Variants in CACNB4 observed in about 807,000 individuals in gnomAD.
CACNB4 encodes the protein voltage-dependent L-type calcium channel subunit beta-4.
In CACNB4, 32 loss-of-function variants were observed where a neutral mutation model predicts 71.2. The observed-to-expected ratio is 0.45, with a 90% CI of 0.34 to 0.60. The LOEUF is 0.60. CACNB4 is among the 20% of genes least tolerant of loss of function. The pLI is 0.01. For synonymous variants in CACNB4, 231 were observed against 236.9 expected, an observed-to-expected ratio of 0.97 and a Z score of 0.23; for missense variants, 464 against 647.9, an observed-to-expected ratio of 0.72 and a Z score of 3.08.
At chr2:151,913,095 C>T (rs970194837) in intron 2 of CACNB4, among the ~76,000 whole-genome samples, 1 of 152,240 alleles carries the variant, frequency 6.6e-6, no homozygotes, top group East Asian at 1.9e-4. Context: ...GAATACAGCA[C>T]ACCAATGGGT....
intron 2 of CACNB4, among the ~76,000 whole-genome samples, chr2:151,976,787 A>T (rs887987306): frequency 5.3e-5 from 8 of 152,202 alleles, no homozygotes; most frequent in Admixed American, 2.6e-4. Context: ...CTCTAAACTG[A>T]GACCAGGCTG....
intron 4 of CACNB4, 90 bp from the exon 5 acceptor site, chr2:151,876,646 T>C: frequency 3.8e-6 from 3 of 781,018 alleles, no homozygotes; most frequent in Non-Finnish European, 6.0e-6. Context: ...AATAAAATGC[T>C]ATTTATATGA....
In CACNB4 at chr2:151,997,325, G is replaced by A. The variant is rs952103060; in HGVS notation, c.147+101005C>T. Among the ~76,000 whole-genome samples the A allele has an allele frequency of 2.6e-5, 4 of 152,098 alleles. No homozygotes were observed. In the South Asian group the frequency reaches 8.3e-4, roughly 32 times the overall value. On this transcript the variant is annotated intron_variant, in intron 2 of 13. Transcript: ENST00000539935. Reference sequence around the variant, plus strand: ...TGAGGCAGGCGGATCACGAGGTCAGGAGATCGAGACCATCCTGGCCAACAC... The same window carrying A: ...TGAGGCAGGCGGATCACGAGGTCAGAAGATCGAGACCATCCTGGCCAACAC...
intron 2 of CACNB4, among the ~76,000 whole-genome samples, chr2:152,039,426 A>G (rs1292622488): frequency 6.6e-6 from 1 of 151,698 alleles, no homozygotes; most frequent in Non-Finnish European, 1.5e-5. Context: ...AAAAAAAAAA[A>G]AAAGAATCTT....
At chr2:151,980,073 T>A (rs898193910) in intron 2 of CACNB4, among the ~76,000 whole-genome samples, 1 of 152,226 alleles carries the variant, frequency 6.6e-6, no homozygotes, top group Admixed American at 6.5e-5. Flanking sequence ...AGTAAAACTT[T>A]ATTTTCTATT....
At chr2:151,987,233 T>C (rs1681422380) in intron 2 of CACNB4, among the ~76,000 whole-genome samples, 1 of 152,288 alleles carries the variant, frequency 6.6e-6, no homozygotes, top group Admixed American at 6.5e-5. Context: ...TGGTACAAAT[T>C]AATTGACAAT....
At chr2:151,964,474 A>G (rs573922958) in intron 2 of CACNB4, among the ~76,000 whole-genome samples, 1 of 152,298 alleles carries the variant, frequency 6.6e-6, no homozygotes, top group South Asian at 2.1e-4. Context: ...TTTACAGTCT[A>G]TGGTTTTGTA....
chr2:152,011,016 T>G (rs1239082778), intron 2 of CACNB4, among the ~76,000 whole-genome samples: 3 of 152,140 alleles, frequency 2.0e-5, no homozygotes, highest in Admixed American at 2.0e-4. Flanking sequence ...ACAGACACCC[T>G]TGGGTGATCA....
intron 2 of CACNB4, among the ~76,000 whole-genome samples, chr2:151,920,881 G>A (rs4553822): frequency 0.087 from 13,189 of 152,148 alleles, 1,411 homozygotes; most frequent in East Asian, 0.55. Context: ...ACTCACGCCT[G>A]TAATCCTAGC....
chr2:151,855,272 C>A lies in CACNB4; in HGVS notation c.972G>T (p.Lys324Asn). The A allele has an allele frequency of 1.3e-6, 2 of 1,583,984 alleles. No individual in the cohort carries two copies. Among genetic ancestry groups the A allele is most frequent in the Non-Finnish European group, 1.7e-6 (2 of 1,156,856 alleles). Residue 324 changes from lysine (K) to asparagine (N), a missense_variant, in exon 11 of 14, where the codon AAG becomes AAT. Lys to Asn is a moderately conservative substitution (Grantham distance 94). Coordinates refer to ENST00000539935, the MANE Select transcript of CACNB4 (RefSeq NM_000726.5). The stretch of plus-strand genomic sequence containing the variant: ...GAACAATAATTGGTGCTAAGGAAGT[C>A]TTTATAAGTTGTGCTGGGTGATTGA... ...DTINHPAQLIKTSLAPIIVHV... is the reference protein window; with the variant it reads ...DTINHPAQLINTSLAPIIVHV...
In CACNB4 at chr2:152,098,575, C is replaced by CCCCCCCCCCCAACAA; in HGVS notation, c.64-163_64-162insTTGTTGGGGGGGGGG. ...GACTCCCAAATACAGCCCCCACCCCCACCCACCCACTGCAAGCCTCGACTG... is the reference window on the plus strand; with the variant it reads ...GACTCCCAAATACAGCCCCCACCCCCCCCCCCCCCCAACAAACCCACCCACTGCAAGCCTCGACTG... On this transcript the variant is annotated intron_variant, in intron 1 of 13. Transcript: ENST00000539935. This position sits in a 1 kb window ranked among gnomAD's most constrained non-coding sequence, Gnocchi z 5.3. The CCCCCCCCCCCAACAA allele has an allele frequency of 1.1e-6, 1 of 877,276 alleles. No individual in the cohort carries two copies. Among genetic ancestry groups the CCCCCCCCCCCAACAA allele is most frequent in the Non-Finnish European group, 1.9e-6 (1 of 530,914 alleles). The allele number at this position is 877,276 out of a possible 1,614,324, so 54.3% of individuals were successfully genotyped here.
intron 9 of CACNB4, 108 bp downstream of exon 9, chr2:151,869,069 T>C: frequency 1.4e-6 from 1 of 699,902 alleles, no homozygotes; most frequent in Non-Finnish European, 2.5e-6. Flanking sequence ...GAGTTAACTT[T>C]TAACTAGAGA....
At chr2:151,954,203 G>A (rs988371689) in intron 2 of CACNB4, among the ~76,000 whole-genome samples, 6 of 152,162 alleles carry the variant, frequency 3.9e-5, no homozygotes, top group South Asian at 2.1e-4. Context: ...CAAGCTCCTC[G>A]TTCTAAACCA....
intron 2 of CACNB4, among the ~76,000 whole-genome samples, chr2:152,008,568 G>A (rs1033403643): frequency 9.2e-5 from 14 of 152,068 alleles, no homozygotes; most frequent in African/African-American, 1.7e-4. Context: ...CCAAAGTGCC[G>A]GGATTACAAG....
chr2:151,840,272 C>T (rs1051835192), intron 13 of CACNB4, among the ~76,000 whole-genome samples: 8 of 152,158 alleles, frequency 5.3e-5, no homozygotes, highest in Admixed American at 5.2e-4. Context: ...ACAGACTGTG[C>T]CTTTAACCTC....
intron 2 of CACNB4, among the ~76,000 whole-genome samples, chr2:151,889,891 T>G (rs1021988108): frequency 6.6e-6 from 1 of 152,162 alleles, no homozygotes; most frequent in African/African-American, 2.4e-5. Context: ...AAAGACACAG[T>G]CACTCCCATC....
At chr2:151,865,704 T>A (rs1293175811) in intron 9 of CACNB4, 2 of 152,216 alleles carry the variant, frequency 1.3e-5, no homozygotes, top group Non-Finnish European at 2.9e-5. Context: ...CAGGAATCAT[T>A]GCTTCATGTA....
intron 2 of CACNB4, among the ~76,000 whole-genome samples, chr2:151,920,269 G>C (rs112426328): frequency 0.022 from 2,534 of 116,094 alleles, 100 homozygotes; most frequent in African/African-American, 0.084. Flanking sequence ...TTCATTTTAT[G>C]TTTATTTTTT....
chr2:151,890,149 T>C (rs902816906), intron 2 of CACNB4, among the ~76,000 whole-genome samples: 1 of 152,200 alleles, frequency 6.6e-6, no homozygotes, highest in Non-Finnish European at 1.5e-5. Flanking sequence ...AGATAACTTT[T>C]CTCTAAGGTA....
Sources: allele counts gnomAD v4.1 joint callset (sites outside exome capture counted in the v4.1 genomes callset), GRCh38; gene constraint gnomAD v4.1.1; non-coding constraint Gnocchi (gnomAD v3.1); transcripts MANE v1.5; gene names NCBI Gene and HGNC (gene_info 2026-07-23, HGNC 2026-07-21).